Variants in ALB observed in about 807,000 individuals in gnomAD.
The protein encoded by ALB is albumin.
A neutral mutation model predicts 74.5 loss-of-function variants in ALB; 37 were observed. The ratio of observed to expected loss-of-function variants is 0.50; its 90% CI spans 0.38 to 0.65. The LOEUF is 0.65. Among genes scored for constraint, ALB ranks in the 30% least tolerant of loss-of-function variants. ALB has a pLI of 0.00. For missense variants in ALB, 685 were observed against 718.7 expected, an observed-to-expected ratio of 0.95 and a Z score of 0.54; for synonymous variants, 249 against 251.6, an observed-to-expected ratio of 0.99 and a Z score of 0.10.
rs1718840260 is a variant in ALB at position 73,410,354 on chromosome 4, CAG to C, written c.662_663del (p.Arg221ThrfsTer30). ...RDEGKASSAK[Q>X]RLKCASLQKF... ...TGAAGGGAAGGCTTCGTCTGCCAAA[CAG>C]AGACTCAAGTGTGCCAGTCTCCAAA... On this transcript the variant is annotated frameshift_variant, in exon 6 of 15. Coordinates refer to ENST00000295897, the MANE Select transcript of ALB (RefSeq NM_000477.7). LOFTEE classifies it high-confidence loss of function. 1 of 1,613,738 alleles carries C rather than the reference CAG, an allele frequency of 6.2e-7. No individual in the cohort carries two copies. Among genetic ancestry groups the C allele is most frequent in the Non-Finnish European group, 8.5e-7 (1 of 1,179,804 alleles).
rs759732777 is a variant in ALB, at chr4:73,410,903, C to A, written c.713+494C>A. ...CAATGATCTAAAACTATTTGCTTGTCCTTTTATGTCTTATAGTTAAATTCA... is the reference window on the plus strand; with the variant it reads ...CAATGATCTAAAACTATTTGCTTGTACTTTTATGTCTTATAGTTAAATTCA... On this transcript the variant is annotated intron_variant, in intron 6 of 14. Transcript: ENST00000295897. Among the ~76,000 whole-genome samples, 6 of 151,850 alleles carry A rather than the reference C, an allele frequency of 4.0e-5. No homozygotes were observed. In the South Asian group the frequency reaches 1.2e-3, roughly 31 times the overall value.
chr4:73,413,748 C>A, intron 8 of ALB, 114 bp downstream of exon 8: 3 of 1,007,214 alleles, frequency 3.0e-6, no homozygotes, highest in Non-Finnish European at 4.5e-6. Flanking sequence ...CAGAATGTTT[C>A]TTCATCCTTC....
At chr4:73,417,777 G>GTGTGTGTGCATT (rs1719051590) in intron 11 of ALB, 108 bp downstream of exon 11, 1 of 1,077,516 alleles carries the variant, frequency 9.3e-7, no homozygotes, top group Non-Finnish European at 1.3e-6. Flanking sequence ...GTGTGTGCAT[G>GTGTGTGTGCATT]TTTGTGTGCA....
intron 10 of ALB, among the ~76,000 whole-genome samples, chr4:73,416,863 C>T (rs184383164): frequency 2.2e-3 from 330 of 152,250 alleles, no homozygotes; most frequent in Middle Eastern, 6.8e-3. Context: ...GACAGAATGG[C>T]TTGCTGGACT....
intron 6 of ALB, among the ~76,000 whole-genome samples, chr4:73,411,042 A>G (rs1008815009): frequency 3.3e-5 from 5 of 152,178 alleles, no homozygotes; most frequent in African/African-American, 4.8e-5. Flanking sequence ...TTCTGGGAGC[A>G]TACTTTAATA....
At chr4:73,412,173 G>T in intron 7 of ALB, 48 bp downstream of exon 7, 1 of 1,611,656 alleles carries the variant, frequency 6.2e-7, no homozygotes. Flanking sequence ...GCTCAAGTTG[G>T]TAGAATGGAT....
Position 73,418,321 on chromosome 4 carries a change from A to G in ALB, c.1652+10A>G. The stretch of plus-strand genomic sequence containing the variant: ...AAATCAAGAAACAAACGTGAGGAGT[A>G]TTTCATTACTGCATGTGTTTGTAGT... On this transcript the variant is annotated intron_variant, in intron 12 of 14. Transcript: ENST00000295897. 6.2e-7 allele frequency: 1 copy of G among 1,604,976 alleles called. No homozygotes were observed. The highest frequency in any genetic ancestry group is 8.5e-7 in the Non-Finnish European group (1 of 1,173,084).
At chr4:73,415,193 T>C in intron 9 of ALB, 26 bp downstream of exon 9, 1 of 1,613,334 alleles carries the variant, frequency 6.2e-7, no homozygotes, top group Non-Finnish European at 8.5e-7. Context: ...GAAAAAAATG[T>C]AGTTCTTTGA....
chr4:73,417,430 A>C, intron 10 of ALB, 101 bp from the exon 11 acceptor site: 1 of 1,422,476 alleles, frequency 7.0e-7, no homozygotes, highest in South Asian at 1.2e-5. Context: ...TGAATGGAAC[A>C]TAGCAACATC....
chr4:73,420,566 G>A (rs1354991905), intron 14 of ALB, among the ~76,000 whole-genome samples: 1 of 151,946 alleles, frequency 6.6e-6, no homozygotes, highest in Admixed American at 6.6e-5. Context: ...TTTTCCAAAG[G>A]GTCAAAATTC....
rs1194242431 is a variant in ALB at position 73,412,067 on chromosome 4, T to G, written c.785T>G (p.Leu262Arg). 6.2e-7 allele frequency: 1 copy of G among 1,614,072 alleles called. No homozygotes were observed. The highest frequency in any genetic ancestry group is 2.2e-5 in the East Asian group (1 of 44,888). Residue 262 changes from leucine to arginine, a missense_variant, in exon 7 of 15, where the codon CTT becomes CGT. Physicochemically the swap from Leu to Arg is moderately radical, Grantham distance 102. Transcript: ENST00000295897. ...GAAGTTTCCAAGTTAGTGACAGATC[T>G]TACCAAAGTCCACACGGAATGCTGC... is the stretch of plus-strand genomic sequence containing the variant. Reference protein sequence around the residue: ...FAEVSKLVTDLTKVHTECCHG... With the variant: ...FAEVSKLVTDRTKVHTECCHG...
At position 73,413,541 on chromosome 4, in the gene ALB, T is replaced by G; in HGVS notation, c.965T>G (p.Met322Arg). Residue 322 changes from methionine (M) to arginine (R), a missense_variant, in exon 8 of 15, where the codon ATG becomes AGG. Coordinates refer to ENST00000295897, the MANE Select transcript of ALB (RefSeq NM_000477.7). ...HCIAEVENDEMPADLPSLAAD... is the reference protein window; with the variant it reads ...HCIAEVENDERPADLPSLAAD... ...ATTGCCGAAGTGGAAAATGATGAGA[T>G]GCCTGCTGACTTGCCTTCATTAGCT... 6.2e-7 allele frequency: 1 copy of G among 1,614,234 alleles called. No individual in the cohort carries two copies. The highest frequency in any genetic ancestry group is 8.5e-7 in the Non-Finnish European group (1 of 1,180,040).
At chr4:73,411,006 C>T (rs950823045) in intron 6 of ALB, among the ~76,000 whole-genome samples, 2 of 152,116 alleles carry the variant, frequency 1.3e-5, no homozygotes, top group Non-Finnish European at 2.9e-5. Context: ...TTTGCCTGAG[C>T]CTCTGTTTTC....
At chr4:73,411,423 A>T (rs1236734801) in intron 6 of ALB, among the ~76,000 whole-genome samples, 1 of 152,230 alleles carries the variant, frequency 6.6e-6, no homozygotes, top group Non-Finnish European at 1.5e-5. Flanking sequence ...TATAAGTAAG[A>T]TCAATAAAAA....
rs138698741 is a variant in ALB at position 73,406,368 on chromosome 4, C to T, written c.138-261C>T. Among the ~76,000 whole-genome samples the T allele has an allele frequency of 1.7e-3, 255 of 152,320 alleles. 3 individuals are homozygous for T. The Middle Eastern group carries it at 0.034, about 20-fold the overall frequency. ...ATCTATTTGGCATACAATTTGCTTG[C>T]TTAATCTATGTGTGTGCATAGATCT... On this transcript the variant is annotated intron_variant, in intron 2 of 14. Transcript: ENST00000295897.
At chr4:73,412,761 G>A (rs997042024) in intron 7 of ALB, among the ~76,000 whole-genome samples, 2 of 152,288 alleles carry the variant, frequency 1.3e-5, no homozygotes, top group East Asian at 1.9e-4. Context: ...GATTTTTTGA[G>A]GGAGGTAGGT....
intron 7 of ALB, 84 bp downstream of exon 7, chr4:73,412,209 G>A: frequency 6.7e-6 from 10 of 1,498,580 alleles, no homozygotes; most frequent in East Asian, 2.3e-5. Context: ...GGTGATAGCT[G>A]ACAGTGGGTT....
intron 10 of ALB, among the ~76,000 whole-genome samples, chr4:73,416,844 A>G (rs898566178): frequency 3.3e-5 from 5 of 152,206 alleles, no homozygotes; most frequent in African/African-American, 9.6e-5. Context: ...CCTCCATAGA[A>G]GAGACAGAGA....
In ALB at chr4:73,415,047, A is replaced by G; in HGVS notation, c.1071A>G (p.Glu357=). Residue 357 remains glutamate (E), a synonymous_variant, in exon 9 of 15, where the codon GAA becomes GAG. Transcript: ENST00000295897. ...TCATCTTAATTAGGTTTTTGTATGA[A>G]TATGCAAGAAGGCATCCTGATTACT... The part of the protein sequence containing the change: ...KDVFLGMFLY[E]YARRHPDYSV... The G allele has an allele frequency of 6.2e-7, 1 of 1,614,120 alleles. No homozygotes were observed. The highest frequency in any genetic ancestry group is 1.7e-5 in the Admixed American group (1 of 60,014).
Sources: gnomAD v4.1 joint callset for allele counts (sites outside exome capture counted in the v4.1 genomes callset) on GRCh38, gnomAD v4.1.1 for gene constraint, MANE v1.5 for transcripts, NCBI Gene and HGNC (gene_info 2026-07-23, HGNC 2026-07-21) for gene names.